SLC4A4: variants seen among roughly 807,000 people sequenced by gnomAD.
SLC4A4 encodes the protein solute carrier family 4 member 4, also known as electrogenic sodium bicarbonate cotransporter 1.
In SLC4A4, 27 loss-of-function variants were observed where a neutral mutation model predicts 111.5. The observed-to-expected ratio is 0.24, with a 90% CI of 0.18 to 0.33. The LOEUF (loss-of-function observed/expected upper bound fraction) is 0.33. Ranked by LOEUF, SLC4A4 falls within the 10% of genes least tolerant of loss-of-function variation. SLC4A4 has a pLI of 1.00. For missense variants in SLC4A4, 909 were observed against 1,315.5 expected, an observed-to-expected ratio of 0.69 and a Z score of 4.78; for synonymous variants, 443 against 463.4, an observed-to-expected ratio of 0.96 and a Z score of 0.57.
intron 3 of SLC4A4, among the ~76,000 whole-genome samples, chr4:71,278,518 C>T (rs1723248965): frequency 6.6e-6 from 1 of 152,176 alleles, no homozygotes; most frequent in Admixed American, 6.5e-5. Flanking sequence ...TGAGGACATT[C>T]CATACTGTTT....
intron 1 of SLC4A4, among the ~76,000 whole-genome samples, chr4:71,206,847 C>G (rs1019478575): frequency 1.3e-5 from 2 of 151,062 alleles, no homozygotes; most frequent in Non-Finnish European, 1.5e-5. Flanking sequence ...GGTTTCCGAC[C>G]CTAGTGATTG....
chr4:71,422,397 C>T (rs1384191030), intron 7 of SLC4A4, among the ~76,000 whole-genome samples: 1 of 148,218 alleles, frequency 6.7e-6, no homozygotes, highest in Admixed American at 6.7e-5. Flanking sequence ...CAGCCGAATT[C>T]TACCAGAGGT....
chr4:71,069,459 C>T (rs1741612100), intron 1 of SLC4A4, among the ~76,000 whole-genome samples: 1 of 152,198 alleles, frequency 6.6e-6, no homozygotes, highest in Admixed American at 6.5e-5. Context: ...CTTGATAACA[C>T]TCTTGACAGG....
chr4:71,126,164 C>T (rs1392870253), intron 2 of SLC4A4, among the ~76,000 whole-genome samples: 4 of 152,074 alleles, frequency 2.6e-5, no homozygotes, highest in Non-Finnish European at 5.9e-5. Context: ...TGGGGAACCT[C>T]TTTCATGTTT....
chr4:71,497,662 A>G lies in SLC4A4; in HGVS notation c.2136A>G (p.Lys712=). Residue 712 remains lysine (K), a synonymous_variant, in exon 16 of 26, where the codon AAA becomes AAG. Transcript: ENST00000264485. ...GTYTSSMALK[K]FKTSPYFPTT... ...ACACCTCTTCCATGGCTCTGAAAAAATTCAAAACTAGTCCTTATTTTCCAA... is the reference window on the plus strand; with the variant it reads ...ACACCTCTTCCATGGCTCTGAAAAAGTTCAAAACTAGTCCTTATTTTCCAA... 6.2e-7 allele frequency: 1 copy of G among 1,613,512 alleles called. No homozygotes were observed. The highest frequency in any genetic ancestry group is 8.5e-7 in the Non-Finnish European group (1 of 1,179,620).
intron 1 of SLC4A4, among the ~76,000 whole-genome samples, chr4:71,218,312 A>G (rs1046515072): frequency 6.6e-6 from 1 of 152,194 alleles, no homozygotes; most frequent in African/African-American, 2.4e-5. Context: ...TCAACTGGTT[A>G]TGGTTAATTT....
chr4:71,227,089 G>A (rs146869682), intron 1 of SLC4A4, among the ~76,000 whole-genome samples: 1 of 152,272 alleles, frequency 6.6e-6, no homozygotes, highest in East Asian at 1.9e-4. Flanking sequence ...GGCACATTCA[G>A]GAAGCCAATG....
chr4:71,324,615 G>A (rs1417201734), intron 3 of SLC4A4, among the ~76,000 whole-genome samples: 2 of 151,916 alleles, frequency 1.3e-5, no homozygotes, highest in Non-Finnish European at 2.9e-5. Flanking sequence ...TTAACCCACT[G>A]CTTTGGCAGA....
At chr4:71,319,625 A>G (rs951202897) in intron 3 of SLC4A4, among the ~76,000 whole-genome samples, 5 of 152,068 alleles carry the variant, frequency 3.3e-5, no homozygotes, top group African/African-American at 1.2e-4. Flanking sequence ...AGATGAGATC[A>G]AAAGTGCCAG....
intron 16 of SLC4A4, among the ~76,000 whole-genome samples, chr4:71,511,547 C>A (rs1731918779): frequency 6.6e-6 from 1 of 151,866 alleles, no homozygotes; most frequent in Non-Finnish European, 1.5e-5. Flanking sequence ...GCCTTTGATA[C>A]TTTTGGTCTA....
intron 2 of SLC4A4, among the ~76,000 whole-genome samples, chr4:71,113,511 G>C (rs1202110090): frequency 6.6e-6 from 1 of 152,214 alleles, no homozygotes; most frequent in Non-Finnish European, 1.5e-5. Context: ...GGCAGGTAGA[G>C]TGCTGGACAA....
intron 2 of SLC4A4, among the ~76,000 whole-genome samples, chr4:71,115,759 T>C (rs898358598): frequency 6.6e-6 from 1 of 152,252 alleles, no homozygotes; most frequent in Non-Finnish European, 1.5e-5. Context: ...ACAAACTTTA[T>C]TATTCAGCAG....
At chr4:71,172,892 A>G (rs575247931) in intron 2 of SLC4A4, among the ~76,000 whole-genome samples, 3 of 152,354 alleles carry the variant, frequency 2.0e-5, no homozygotes, top group African/African-American at 7.2e-5. Flanking sequence ...CACTATGGAT[A>G]CTTTACAAGA....
intron 2 of SLC4A4, among the ~76,000 whole-genome samples, chr4:71,244,918 C>T (rs1054235066): frequency 7.9e-5 from 12 of 151,956 alleles, no homozygotes; most frequent in African/African-American, 2.4e-4. Flanking sequence ...GTCAAATAAA[C>T]CAGCCATTAT....
intron 12 of SLC4A4, among the ~76,000 whole-genome samples, chr4:71,460,245 A>G (rs937686090): frequency 6.6e-6 from 1 of 152,080 alleles, no homozygotes; most frequent in Non-Finnish European, 1.5e-5. Flanking sequence ...AGATAAAGGA[A>G]ATATTTACCC....
intron 3 of SLC4A4, among the ~76,000 whole-genome samples, chr4:71,336,750 A>G (rs557926340): frequency 6.6e-6 from 1 of 152,230 alleles, no homozygotes; most frequent in African/African-American, 2.4e-5. Flanking sequence ...CATTACAATC[A>G]CTTTCCTTGT....
intron 7 of SLC4A4, among the ~76,000 whole-genome samples, chr4:71,401,679 G>T (rs1720377538): frequency 6.6e-6 from 1 of 152,176 alleles, no homozygotes. Context: ...ATGAGGATAA[G>T]AAAGAGCTTT....
At chr4:71,498,319 A>C (rs1055090701) in intron 16 of SLC4A4, among the ~76,000 whole-genome samples, 2 of 152,188 alleles carry the variant, frequency 1.3e-5, no homozygotes, top group African/African-American at 4.8e-5. Context: ...TGGAGATGCT[A>C]TAAGAAAAGA....
chr4:71,319,723 T>G (rs1278758213), intron 3 of SLC4A4, among the ~76,000 whole-genome samples: 1 of 152,058 alleles, frequency 6.6e-6, no homozygotes, highest in Non-Finnish European at 1.5e-5. Flanking sequence ...TCGCAAAATT[T>G]GATTCCTCCA....
Sources: gnomAD v4.1 joint callset for allele counts (sites outside exome capture counted in the v4.1 genomes callset) on GRCh38, gnomAD v4.1.1 for gene constraint, MANE v1.5 for transcripts, NCBI Gene and HGNC (gene_info 2026-07-23, HGNC 2026-07-21) for gene names.